Variants in CST7 observed in about 807,000 individuals in gnomAD.
CST7 encodes the protein cystatin-F.
A neutral mutation model predicts 13.1 loss-of-function variants in CST7; 15 were observed. The ratio of observed to expected loss-of-function variants is 1.14; its 90% CI spans 0.77 to 1.76. The LOEUF is 1.76. CST7 is among the 40% of genes most tolerant of loss of function. CST7 has a pLI of 0.00. For synonymous variants in CST7, 75 were observed against 66.9 expected, an observed-to-expected ratio of 1.12 and a Z score of -0.59; for missense variants, 193 against 178.8, an observed-to-expected ratio of 1.08 and a Z score of -0.45.
rs143614846 is a variant in CST7, at chr20:24,957,751, G to C, written c.243+292G>C. Among the ~76,000 whole-genome samples, 931 of 152,282 alleles carry C rather than the reference G, an allele frequency of 6.1e-3. 15 individuals carry two copies. The highest frequency in any genetic ancestry group is 0.022 in the African/African-American group (907 of 41,554). Reference sequence around the variant, plus strand: ...AAGGAGGTGCCAGGGCCCTAATGGGGCTCCTGAGGCAGGCGCCAAGGCTGA... The same window carrying C: ...AAGGAGGTGCCAGGGCCCTAATGGGCCTCCTGAGGCAGGCGCCAAGGCTGA... On this transcript the variant is annotated intron_variant, in intron 2 of 3. Transcript: ENST00000480798.
chr20:24,952,236 G>A (rs987477257), intron 1 of CST7, among the ~76,000 whole-genome samples: 5 of 152,160 alleles, frequency 3.3e-5, no homozygotes, highest in African/African-American at 1.2e-4. Context: ...TCTCACTGTC[G>A]TCAGCATCCT....
At chr20:24,959,557 T>TGAGGACCACCCCTCCAC in intron 3 of CST7, 78 bp from the exon 4 acceptor site, 1 of 1,359,272 alleles carries the variant, frequency 7.4e-7, no homozygotes, top group African/African-American at 1.4e-5. Context: ...AGCTCCTCCA[T>TGAGGACCACCCCTCCAC]GAGGACCACC....
intron 1 of CST7, among the ~76,000 whole-genome samples, chr20:24,956,985 C>T (rs1424546963): frequency 8.3e-4 from 3 of 3,602 alleles, no homozygotes; most frequent in East Asian, 5.1e-3. Context: ...GCAGGGGTGT[C>T]GGGGGGGACA....
chr20:24,959,292 C>T (rs1307373414), intron 3 of CST7, among the ~76,000 whole-genome samples: 1 of 151,302 alleles, frequency 6.6e-6, no homozygotes, highest in East Asian at 2.0e-4. Flanking sequence ...GAAGAGCGTC[C>T]TGGGGTGCGA....
chr20:24,949,408 C>T lies in CST7; in HGVS notation c.-98C>T. 6.2e-7 allele frequency: 1 copy of T among 1,606,050 alleles called. No homozygotes were observed. The highest frequency in any genetic ancestry group is 1.1e-5 in the South Asian group (1 of 90,096). ...GCGCCATCTACCCAAGAAGGCTCGG[C>T]ACGGGCACCAACCACTGCCTCCAAC... On this transcript the variant is annotated 5_prime_UTR_variant, in exon 1 of 4. Coordinates refer to ENST00000480798, the MANE Select transcript of CST7 (RefSeq NM_003650.4).
chr20:24,952,278 G>A (rs2087824487), intron 1 of CST7, among the ~76,000 whole-genome samples: 2 of 152,252 alleles, frequency 1.3e-5, no homozygotes, highest in Admixed American at 6.5e-5. Context: ...GAGGCTCAGA[G>A]AGGTTAGGCA....
intron 1 of CST7, 106 bp from the exon 2 acceptor site, chr20:24,957,181 A>G (rs2087863706): frequency 4.5e-6 from 5 of 1,114,008 alleles, no homozygotes; most frequent in Non-Finnish European, 6.3e-6. Flanking sequence ...GGGCCAGGAC[A>G]CACACGCCAG....
chr20:24,958,854 G>A, intron 2 of CST7, 74 bp from the exon 3 acceptor site: 1 of 1,099,238 alleles, frequency 9.1e-7, no homozygotes, highest in Non-Finnish European at 1.4e-6. Context: ...ACTGTCTTGA[G>A]GCCCTGCTTC....
intron 2 of CST7, among the ~76,000 whole-genome samples, chr20:24,957,747 T>G (rs1343286465): frequency 6.6e-6 from 1 of 152,140 alleles, no homozygotes; most frequent in East Asian, 1.9e-4. Context: ...AGGGCCCTAA[T>G]GGGGCTCCTG....
intron 2 of CST7, 74 bp from the exon 3 acceptor site, chr20:24,958,854 G>C: frequency 3.6e-6 from 4 of 1,099,238 alleles, no homozygotes; most frequent in Non-Finnish European, 5.6e-6. Flanking sequence ...ACTGTCTTGA[G>C]GCCCTGCTTC....
intron 2 of CST7, among the ~76,000 whole-genome samples, chr20:24,957,946 C>G (rs958899738): frequency 1.3e-5 from 2 of 152,322 alleles, no homozygotes; most frequent in South Asian, 2.1e-4. Flanking sequence ...TGCCCTTTCC[C>G]TGACTCATTC....
chr20:24,959,116 A>C, intron 3 of CST7, 72 bp downstream of exon 3: 5 of 1,229,030 alleles, frequency 4.1e-6, no homozygotes, highest in Non-Finnish European at 6.0e-6. Context: ...ACTGTGAAAA[A>C]CACCGTCACC....
At chr20:24,957,026 G>GAGAACATGTTA (rs1309082436) in intron 1 of CST7, among the ~76,000 whole-genome samples, 1 of 102,828 alleles carries the variant, frequency 9.7e-6, no homozygotes, top group African/African-American at 4.0e-5. Context: ...GGGCAGGTGA[G>GAGAACATGTTA]GGGAGCAGGT....
chr20:24,951,979 T>A (rs113888826), intron 1 of CST7, among the ~76,000 whole-genome samples: 15 of 152,282 alleles, frequency 9.9e-5, no homozygotes, highest in Non-Finnish European at 2.1e-4. Flanking sequence ...TGCAAGGTGA[T>A]GTCAGTCCTT....
chr20:24,954,855 A>T (rs1463508243), intron 1 of CST7, among the ~76,000 whole-genome samples: 3 of 152,174 alleles, frequency 2.0e-5, no homozygotes, highest in East Asian at 1.9e-4. Context: ...TTTATTTTTT[A>T]AAAAAGTTAA....
rs2087871300 is a variant in CST7, at chr20:24,958,101, A to G, written c.243+642A>G. Among the ~76,000 whole-genome samples, 3 of 152,218 alleles carry G rather than the reference A, an allele frequency of 2.0e-5. No individual in the cohort carries two copies. In the South Asian group the frequency reaches 6.2e-4, roughly 31 times the overall value. ...GTAAGGGGCAGAAGCAGCCCTGTCCAAGGCAGTCTTCACAGTGTTCATGGT... is the reference window on the plus strand; with the variant it reads ...GTAAGGGGCAGAAGCAGCCCTGTCCGAGGCAGTCTTCACAGTGTTCATGGT... On this transcript the variant is annotated intron_variant, in intron 2 of 3. Coordinates refer to ENST00000480798, the MANE Select transcript of CST7 (RefSeq NM_003650.4).
intron 2 of CST7, among the ~76,000 whole-genome samples, chr20:24,957,777 T>A (rs975880186): frequency 6.6e-6 from 1 of 152,136 alleles, no homozygotes; most frequent in Non-Finnish European, 1.5e-5. Flanking sequence ...CCAAGGCTGA[T>A]GGGGGAGAAA....
At chr20:24,955,695 C>T (rs1193547521) in intron 1 of CST7, among the ~76,000 whole-genome samples, 4 of 152,262 alleles carry the variant, frequency 2.6e-5, no homozygotes, top group South Asian at 2.1e-4. Context: ...GTGATCTGCC[C>T]GCCTCGGCCT....
chr20:24,949,531 C>A lies in CST7; in HGVS notation c.26C>A (p.Ala9Asp). The A allele has an allele frequency of 6.2e-7, 1 of 1,614,132 alleles. No homozygotes were observed. Among genetic ancestry groups the A allele is most frequent in the South Asian group, 1.1e-5 (1 of 91,086 alleles). Reference protein sequence around the residue: MRAAGTLLAFCCLVLSTTG... With the variant: MRAAGTLLDFCCLVLSTTG... ...ATGCGAGCGGCTGGAACTCTGCTGGCCTTCTGCTGCCTGGTCTTGAGCACC... is the reference window on the plus strand; with the variant it reads ...ATGCGAGCGGCTGGAACTCTGCTGGACTTCTGCTGCCTGGTCTTGAGCACC... Residue 9 changes from alanine to aspartate, a missense_variant, in exon 1 of 4, where the codon GCC becomes GAC. Transcript: ENST00000480798.
Sources: allele counts gnomAD v4.1 joint callset (sites outside exome capture counted in the v4.1 genomes callset), GRCh38; gene constraint gnomAD v4.1.1; transcripts MANE v1.5; gene names NCBI Gene and HGNC (gene_info 2026-07-23, HGNC 2026-07-21).